TYW5: variants seen among roughly 807,000 people sequenced by gnomAD.
The protein encoded by TYW5 is tRNA wybutosine-synthesizing protein 5.
In TYW5, 36 loss-of-function variants were observed where a neutral mutation model predicts 44.4. That is an observed-to-expected ratio of 0.81 (90% confidence interval 0.62 to 1.07). The LOEUF is 1.07. Ranked by LOEUF, TYW5 falls within the 50% of genes least tolerant of loss-of-function variation. The pLI, the probability that TYW5 is intolerant of heterozygous loss-of-function variation, is 0.00. For missense variants in TYW5, 354 were observed against 365.7 expected, an observed-to-expected ratio of 0.97 and a Z score of 0.26; for synonymous variants, 121 against 128.1, an observed-to-expected ratio of 0.94 and a Z score of 0.37.
chr2:199,940,520 G>A (rs905719085), intron 3 of TYW5, among the ~76,000 whole-genome samples: 1 of 151,762 alleles, frequency 6.6e-6, no homozygotes, highest in African/African-American at 2.4e-5. Flanking sequence ...GTACGTGCCT[G>A]TAGTCCCAGC....
chr2:199,932,126 A>G lies in TYW5; in HGVS notation c.*941T>C, dbSNP rs1327242257. 1 of 152,192 alleles carries G rather than the reference A, an allele frequency of 6.6e-6. No individual in the cohort carries two copies. Among genetic ancestry groups the G allele is most frequent in the Non-Finnish European group, 1.5e-5 (1 of 68,042 alleles). The allele number at this position is 152,192 out of a possible 1,614,324, so 9.4% of individuals were successfully genotyped here. On this transcript the variant is annotated 3_prime_UTR_variant, in exon 8 of 8. Coordinates refer to ENST00000354611, the MANE Select transcript of TYW5 (RefSeq NM_001039693.3). ...AAACATTTGTTTTGCACTAATCACAAAACTAATAATCCAAGTCACTATCAT... is the reference window on the plus strand; with the variant it reads ...AAACATTTGTTTTGCACTAATCACAGAACTAATAATCCAAGTCACTATCAT...
chr2:199,940,759 T>C (rs1367390635), intron 3 of TYW5, among the ~76,000 whole-genome samples: 1 of 152,184 alleles, frequency 6.6e-6, no homozygotes, highest in Non-Finnish European at 1.5e-5. Flanking sequence ...AGGCAACATA[T>C]ACATACCATC....
At chr2:199,942,877 T>C (rs761792497) in intron 3 of TYW5, 2 of 151,694 alleles carry the variant, frequency 1.3e-5, no homozygotes, top group Non-Finnish European at 2.9e-5. Flanking sequence ...TTTTTTTTTT[T>C]GGACAGTTAT....
intron 1 of TYW5, among the ~76,000 whole-genome samples, chr2:199,954,020 G>A (rs2077570764): frequency 6.6e-6 from 1 of 151,982 alleles, no homozygotes; most frequent in Non-Finnish European, 1.5e-5. Context: ...TCTAGTACAA[G>A]TCTCCAAACT....
intron 1 of TYW5, among the ~76,000 whole-genome samples, chr2:199,950,338 T>C (rs2077535075): frequency 6.6e-6 from 1 of 152,212 alleles, no homozygotes; most frequent in South Asian, 2.1e-4. Context: ...CAATGTTTAA[T>C]GACTTGCAAA....
At chr2:199,936,580 C>A in intron 5 of TYW5, 88 bp from the exon 6 acceptor site, 1 of 1,063,378 alleles carries the variant, frequency 9.4e-7, no homozygotes. Context: ...ACTGCAAACC[C>A]GATCCTTTAA....
At chr2:199,937,349 A>T (rs970120240) in intron 5 of TYW5, among the ~76,000 whole-genome samples, 4 of 152,002 alleles carry the variant, frequency 2.6e-5, no homozygotes, top group African/African-American at 9.7e-5. Context: ...GGTAAAGGGG[A>T]TACTACTCAA....
At chr2:199,948,576 G>C (rs568226394) in intron 1 of TYW5, 104 bp from the exon 2 acceptor site, 3 of 1,129,634 alleles carry the variant, frequency 2.7e-6, no homozygotes, top group Non-Finnish European at 3.9e-6. Flanking sequence ...TCTGACTCTT[G>C]CTCCCAAGAT....
At chr2:199,945,402 G>C (rs2077496533) in intron 2 of TYW5, 1 of 152,228 alleles carries the variant, frequency 6.6e-6, no homozygotes. Context: ...TGAGGCCACT[G>C]CTGGTAATTA....
Position 199,951,868 on chromosome 2 carries a change from T to C in TYW5, c.79-3396A>G, listed in dbSNP as rs537071223. On this transcript the variant is annotated intron_variant, in intron 1 of 7. Coordinates refer to ENST00000354611, the MANE Select transcript of TYW5 (RefSeq NM_001039693.3). Reference sequence around the variant, plus strand: ...CATCTCTACTAAAAATACAAAAAAATTAGCCGGGTGTGGTGGCGGGCACCT... The same window carrying C: ...CATCTCTACTAAAAATACAAAAAAACTAGCCGGGTGTGGTGGCGGGCACCT... 1.7e-4 allele frequency among the ~76,000 whole-genome samples: 26 copies of C among 152,020 alleles called. No individual in the cohort carries two copies. In the East Asian group the frequency reaches 5.0e-3, roughly 29 times the overall value.
chr2:199,951,277 A>G (rs1435180097), intron 1 of TYW5, among the ~76,000 whole-genome samples: 2 of 152,162 alleles, frequency 1.3e-5, no homozygotes, highest in Non-Finnish European at 2.9e-5. Context: ...ATGAGGACTT[A>G]CTGTACTAAC....
At position 199,929,554 on chromosome 2, in the gene TYW5, ATTTT is replaced by A. The variant is rs33943305; in HGVS notation, c.*3509_*3512del. 1.9e-5 allele frequency among the ~76,000 whole-genome samples: 2 copies of A among 107,538 alleles called. No individual in the cohort carries two copies. The highest frequency in any genetic ancestry group is 3.4e-5 in the African/African-American group (1 of 29,498). The allele number at this position is 107,538 out of a possible 152,430, so 70.5% of individuals were successfully genotyped here. ...CCAGGCCTGCCTTCCAGCTTCCTGC[ATTTT>A]TTTTTTTTTTTTTTTGTCAACTCCT... On this transcript the variant is annotated 3_prime_UTR_variant, in exon 8 of 8. Coordinates refer to ENST00000354611, the MANE Select transcript of TYW5 (RefSeq NM_001039693.3).
At chr2:199,951,163 G>C (rs1031217040) in intron 1 of TYW5, among the ~76,000 whole-genome samples, 4 of 152,118 alleles carry the variant, frequency 2.6e-5, no homozygotes, top group African/African-American at 9.7e-5. Flanking sequence ...TATGCCACTG[G>C]AACTTAACTC....
At chr2:199,934,721 C>G (rs2077405850) in intron 7 of TYW5, among the ~76,000 whole-genome samples, 1 of 151,896 alleles carries the variant, frequency 6.6e-6, no homozygotes, top group African/African-American at 2.4e-5. Flanking sequence ...AAATATGGAA[C>G]TACAACTATA....
chr2:199,939,111 C>T, intron 4 of TYW5, 41 bp from the exon 5 acceptor site: 3 of 1,549,310 alleles, frequency 1.9e-6, no homozygotes, highest in Non-Finnish European at 2.6e-6. Context: ...TTAGATTAGA[C>T]CCTATGATAT....
At chr2:199,945,557 T>C (rs2077497642) in intron 2 of TYW5, 1 of 152,304 alleles carries the variant, frequency 6.6e-6, no homozygotes, top group African/African-American at 2.4e-5. Context: ...GTGTTTCCCA[T>C]CTCTGACCTC....
intron 1 of TYW5, among the ~76,000 whole-genome samples, chr2:199,954,645 G>A (rs924596844): frequency 1.3e-5 from 2 of 151,838 alleles, no homozygotes; most frequent in South Asian, 4.2e-4. Flanking sequence ...GGCTGGTCTT[G>A]AACTCCTGAC....
chr2:199,950,819 G>A (rs2077539151), intron 1 of TYW5, among the ~76,000 whole-genome samples: 1 of 152,202 alleles, frequency 6.6e-6, no homozygotes, highest in African/African-American at 2.4e-5. Flanking sequence ...TACAAAGTAT[G>A]TAAAACAAAA....
rs1446805300 is a variant in TYW5 at position 199,953,786 on chromosome 2, T to C, written c.78+1607A>G. Among the ~76,000 whole-genome samples, 11 of 152,374 alleles carry C rather than the reference T, an allele frequency of 7.2e-5. No homozygotes were observed. The South Asian group carries it at 1.9e-3, about 26-fold the overall frequency. On this transcript the variant is annotated intron_variant, in intron 1 of 7. Transcript: ENST00000354611. ...TATTAATTTCTAGTTTTACTGCCCA[T>C]GGCCAGAGAAAGTTGTTTGTAATTT...
Sources: allele counts gnomAD v4.1 joint callset (sites outside exome capture counted in the v4.1 genomes callset), GRCh38; gene constraint gnomAD v4.1.1; transcripts MANE v1.5; gene names NCBI Gene and HGNC (gene_info 2026-07-23, HGNC 2026-07-21).